Variants in TGFA observed in about 807,000 individuals in gnomAD.
TGFA encodes the protein transforming growth factor alpha, also known as protransforming growth factor alpha.
A neutral mutation model predicts 21.7 loss-of-function variants in TGFA; 12 were observed. That is an observed-to-expected ratio of 0.55 (90% confidence interval 0.35 to 0.90). The LOEUF is 0.90. Among genes scored for constraint, TGFA ranks in the 40% least tolerant of loss-of-function variants. The pLI is 0.01. For synonymous variants in TGFA, 79 were observed against 88.1 expected, an observed-to-expected ratio of 0.90 and a Z score of 0.58; for missense variants, 178 against 210.8, an observed-to-expected ratio of 0.84 and a Z score of 0.96.
chr2:70,514,355 C>T lies in TGFA; in HGVS notation c.94+504G>A, dbSNP rs576140251. Among the ~76,000 whole-genome samples the T allele has an allele frequency of 4.0e-4, 61 of 151,926 alleles. 1 individual carries two copies. The highest frequency in any genetic ancestry group is 7.9e-4 in the Admixed American group (12 of 15,256). On this transcript the variant is annotated intron_variant, in intron 2 of 5. Coordinates refer to ENST00000295400, the MANE Select transcript of TGFA (RefSeq NM_003236.4). Reference sequence around the variant, plus strand: ...TGCTGTGGCCACTGATGGTTTGCCTCCTACATGTCCCAAGCTCTCCACTAT... The same window carrying T: ...TGCTGTGGCCACTGATGGTTTGCCTTCTACATGTCCCAAGCTCTCCACTAT...
At chr2:70,518,490 G>C in intron 1 of TGFA, among the ~76,000 whole-genome samples, 1 of 152,134 alleles carries the variant, frequency 6.6e-6, no homozygotes, top group Middle Eastern at 3.2e-3. Flanking sequence ...AGGTAAAAAG[G>C]AGGCTCACCC....
At chr2:70,480,804 G>T (rs1671091616) in intron 2 of TGFA, among the ~76,000 whole-genome samples, 1 of 151,152 alleles carries the variant, frequency 6.6e-6, no homozygotes, top group Non-Finnish European at 1.5e-5. Flanking sequence ...ATCCCCCAGA[G>T]CTGCAACCCC....
intron 1 of TGFA, among the ~76,000 whole-genome samples, chr2:70,550,487 A>G (rs1013609945): frequency 1.4e-4 from 21 of 152,026 alleles, no homozygotes; most frequent in African/African-American, 5.1e-4. Context: ...AAATTAAAAA[A>G]GATTAAATTA....
At chr2:70,529,979 T>C (rs1206734079) in intron 1 of TGFA, among the ~76,000 whole-genome samples, 2 of 152,154 alleles carry the variant, frequency 1.3e-5, no homozygotes, top group Non-Finnish European at 2.9e-5. Context: ...TGTGGGGGTA[T>C]ACTTTGGCCT....
chr2:70,450,862 G>A lies in TGFA; in HGVS notation c.480C>T (p.Val160=), dbSNP rs2166975. The part of the protein sequence containing the change: ...RTACCHSETV[V] Reference sequence around the variant, plus strand: ...CCAAACTCCTCCTCTGGGCTCTTCAGACCACTGGCAGGAAGGAAAAACAGG... The same window carrying A: ...CCAAACTCCTCCTCTGGGCTCTTCAAACCACTGGCAGGAAGGAAAAACAGG... The change falls in exon 6 of 6, where the codon GTC becomes GTT. Residue 160 remains valine (V), a synonymous_variant. Coordinates refer to ENST00000295400, the MANE Select transcript of TGFA (RefSeq NM_003236.4). 424,364 of 1,607,768 alleles carry A rather than the reference G, an allele frequency of 0.26. 57,977 individuals carry two copies. The highest frequency in any genetic ancestry group is 0.28 in the East Asian group (12,646 of 44,808).
In TGFA at chr2:70,553,290, C is replaced by G. The variant is rs1553507121; in HGVS notation, c.40+438G>C. ...AGGTGGGCAGGGGGTGCCAAAGGGGCGCAGGCAAGACCCGGCCAGAGGGTT... is the reference window on the plus strand; with the variant it reads ...AGGTGGGCAGGGGGTGCCAAAGGGGGGCAGGCAAGACCCGGCCAGAGGGTT... On this transcript the variant is annotated intron_variant, in intron 1 of 5. Transcript: ENST00000295400. 5.9e-6 allele frequency: 9 copies of G among 1,533,226 alleles called. No individual in the cohort carries two copies. In the South Asian group the frequency reaches 9.6e-5, roughly 16 times the overall value. The allele number at this position is 1,533,226 out of a possible 1,614,324, so 95.0% of individuals were successfully genotyped here.
At chr2:70,517,868 G>GAGAA (rs1672332468) in intron 1 of TGFA, among the ~76,000 whole-genome samples, 1 of 152,210 alleles carries the variant, frequency 6.6e-6, no homozygotes, top group Non-Finnish European at 1.5e-5. Flanking sequence ...TTCTCCCACT[G>GAGAA]CCTCCAGTCT....
chr2:70,524,288 T>C (rs1042975768), intron 1 of TGFA, among the ~76,000 whole-genome samples: 39 of 152,370 alleles, frequency 2.6e-4, no homozygotes, highest in African/African-American at 9.4e-4. Flanking sequence ...AGGAAGGCCC[T>C]GTGCTTGCTC....
intron 1 of TGFA, among the ~76,000 whole-genome samples, chr2:70,533,771 A>AG (rs1363888528): frequency 4.6e-5 from 7 of 152,182 alleles, no homozygotes; most frequent in Non-Finnish European, 7.3e-5. Flanking sequence ...AGTAATTCAG[A>AG]GATGTGAATG....
intron 2 of TGFA, among the ~76,000 whole-genome samples, chr2:70,470,309 G>A (rs1350396172): frequency 6.6e-6 from 1 of 152,132 alleles, no homozygotes; most frequent in Non-Finnish European, 1.5e-5. Context: ...CACAAAGATG[G>A]ATATCAGAAA....
chr2:70,478,490 G>A (rs983930692), intron 2 of TGFA, among the ~76,000 whole-genome samples: 2 of 122,942 alleles, frequency 1.6e-5, no homozygotes, highest in Non-Finnish European at 3.6e-5. Flanking sequence ...ATCTTAAATC[G>A]ATACCACTGG....
At chr2:70,484,549 T>C (rs1175784492) in intron 2 of TGFA, among the ~76,000 whole-genome samples, 2 of 152,192 alleles carry the variant, frequency 1.3e-5, no homozygotes, top group African/African-American at 4.8e-5. Flanking sequence ...TTTAGGGAAT[T>C]ACCTCTTCCC....
At position 70,450,504 on chromosome 2, in the gene TGFA, A is replaced by G. The variant is rs1368437359; in HGVS notation, c.*355T>C. ...GTGGGGAGGTGGCCCATTAAAAAGA[A>G]ATATATAGCCTGGAATCCATGGCTG... On this transcript the variant is annotated 3_prime_UTR_variant, in exon 6 of 6. Coordinates refer to ENST00000295400, the MANE Select transcript of TGFA (RefSeq NM_003236.4). 8.8e-6 allele frequency: 2 copies of G among 227,868 alleles called. No homozygotes were observed. Among genetic ancestry groups the G allele is most frequent in the East Asian group, 1.8e-4 (2 of 11,176 alleles). 14.1% of individuals were successfully genotyped at this position (227,868 alleles called of 1,614,324 possible). A position where few individuals can be genotyped will look rare whatever the true frequency, so the allele number is the denominator to read the frequency against.
Position 70,478,988 on chromosome 2 carries a change from CTTCT to C in TGFA, c.95-13256_95-13253del, listed in dbSNP as rs1284022012. ...AAAAAATTAGCATGCTTACTTCCTC[CTTCT>C]TTTTCTTCCCAGTTACCAGTTTTTA... On this transcript the variant is annotated intron_variant, in intron 2 of 5. Transcript: ENST00000295400. 2.6e-5 allele frequency among the ~76,000 whole-genome samples: 4 copies of C among 151,836 alleles called. No homozygotes were observed. The South Asian group carries it at 8.3e-4, about 32-fold the overall frequency.
At chr2:70,466,364 G>A (rs145009573) in intron 2 of TGFA, among the ~76,000 whole-genome samples, 10 of 152,208 alleles carry the variant, frequency 6.6e-5, no homozygotes, top group Admixed American at 5.2e-4. Flanking sequence ...AAAATTAGCC[G>A]GGCGAGGTGA....
intron 2 of TGFA, among the ~76,000 whole-genome samples, chr2:70,465,982 C>T (rs782459437): frequency 3.9e-5 from 6 of 152,144 alleles, no homozygotes; most frequent in South Asian, 2.1e-4. Context: ...CTCAAACTAA[C>T]GTAATTCAAA....
intron 2 of TGFA, among the ~76,000 whole-genome samples, chr2:70,503,961 C>T (rs939435217): frequency 1.3e-5 from 2 of 152,150 alleles, no homozygotes; most frequent in African/African-American, 4.8e-5. Context: ...CTTCATAAGC[C>T]TACTGACACA....
At chr2:70,546,514 G>A (rs1553505914) in intron 1 of TGFA, among the ~76,000 whole-genome samples, 1 of 151,912 alleles carries the variant, frequency 6.6e-6, no homozygotes, top group Non-Finnish European at 1.5e-5. Context: ...TTGAGACAGG[G>A]CCAGGCTGGA....
Position 70,504,487 on chromosome 2 carries a change from C to T in TGFA, c.94+10372G>A, listed in dbSNP as rs145582748. On this transcript the variant is annotated intron_variant, in intron 2 of 5. Transcript: ENST00000295400. ...ATACACACATACATACATACATACA[C>T]ACACACACACACACACACACACACA... is the stretch of plus-strand genomic sequence containing the variant. 8.0e-3 allele frequency among the ~76,000 whole-genome samples: 767 copies of T among 96,350 alleles called. 11 individuals carry two copies. Among genetic ancestry groups the T allele is most frequent in the East Asian group, 0.078 (230 of 2,956 alleles). 63.2% of individuals were successfully genotyped at this position (96,350 alleles called of 152,430 possible).
Sources: allele counts gnomAD v4.1 joint callset (sites outside exome capture counted in the v4.1 genomes callset), GRCh38; gene constraint gnomAD v4.1.1; transcripts MANE v1.5; gene names NCBI Gene and HGNC (gene_info 2026-07-23, HGNC 2026-07-21).